TENM2: variants seen among roughly 807,000 people sequenced by gnomAD.
TENM2 encodes the protein teneurin-2.
In TENM2, 52 loss-of-function variants were observed where a neutral mutation model predicts 245.2. The ratio of observed to expected loss-of-function variants is 0.21; its 90% CI spans 0.17 to 0.27. The LOEUF (loss-of-function observed/expected upper bound fraction) is 0.27, where lower values mean the gene tolerates loss of function less well. TENM2 is among the 10% of genes least tolerant of loss of function. The pLI is 1.00. For synonymous variants in TENM2, 1,363 were observed against 1,438.9 expected (o/e 0.95, Z 1.19); for missense variants, 3,046 against 3,666.8 (o/e 0.83, Z 4.37).
At chr5:167,145,630 T>C in the TENM2 span, among the ~76,000 whole-genome samples, 5 of 152,222 alleles carry the variant, frequency 3.3e-5, no homozygotes, top group African/African-American at 9.6e-5. Flanking sequence ...ATATTATTAA[T>C]GTTATTATGA....
rs554626483 is a variant in TENM2 at position 167,749,619 on chromosome 5, AAG to A, written c.503-126364_503-126363del. On this transcript the variant is annotated intron_variant, in intron 2 of 28. Coordinates refer to ENST00000518659, the Ensembl canonical transcript of TENM2. ...TGCCACTGTACTCCAGCCTGGGTGA[AAG>A]AGCTAAACCCCATCTCAAAAAAAAA... 2.7e-3 allele frequency among the ~76,000 whole-genome samples: 375 copies of A among 139,694 alleles called. 1 individual carries two copies. The highest frequency in any genetic ancestry group is 9.3e-3 in the African/African-American group (359 of 38,682). The allele number at this position is 139,694 out of a possible 152,430, so 91.6% of individuals were successfully genotyped here. A position where few individuals can be genotyped will look rare whatever the true frequency, so the allele number is the denominator to read the frequency against.
At chr5:167,412,217 AG>A (rs1373821372) in intron 2 of TENM2, among the ~76,000 whole-genome samples, 1 of 152,126 alleles carries the variant, frequency 6.6e-6, no homozygotes, top group African/African-American at 2.4e-5. Context: ...TCAGAAAGAA[AG>A]AGGAACAGGA....
chr5:168,164,810 C>T (rs1239950341), intron 13 of TENM2, among the ~76,000 whole-genome samples: 1 of 152,144 alleles, frequency 6.6e-6, no homozygotes. Flanking sequence ...TAGGAAGATC[C>T]ATGAGTCCAA....
At chr5:168,176,248 A>C (rs895408691) in intron 13 of TENM2, among the ~76,000 whole-genome samples, 5 of 152,020 alleles carry the variant, frequency 3.3e-5, no homozygotes, top group African/African-American at 1.2e-4. Flanking sequence ...AGGGCCTCTC[A>C]TCTCCCGTAG....
intron 2 of TENM2, among the ~76,000 whole-genome samples, chr5:167,697,332 T>C (rs2150424452): frequency 6.6e-6 from 1 of 152,318 alleles, no homozygotes; most frequent in Admixed American, 6.5e-5. Flanking sequence ...GAACCTTTCA[T>C]TCTATATTTC....
At chr5:168,101,929 C>G (rs1189284265) in intron 9 of TENM2, among the ~76,000 whole-genome samples, 1 of 152,070 alleles carries the variant, frequency 6.6e-6, no homozygotes, top group Non-Finnish European at 1.5e-5. Flanking sequence ...GCCTTCTTTC[C>G]CAGTCTTTGA....
chr5:168,147,536 C>T (rs923768275), intron 12 of TENM2, among the ~76,000 whole-genome samples: 1 of 152,146 alleles, frequency 6.6e-6, no homozygotes, highest in African/African-American at 2.4e-5. Context: ...AAAATGATTC[C>T]AATTTTATCT....
chr5:167,741,993 G>A (rs1371252002), intron 2 of TENM2, among the ~76,000 whole-genome samples: 2 of 152,132 alleles, frequency 1.3e-5, no homozygotes, highest in Non-Finnish European at 2.9e-5. Context: ...TCCATCCCTT[G>A]TCATATCAAG....
intron 2 of TENM2, among the ~76,000 whole-genome samples, chr5:167,839,659 T>C (rs1397771805): frequency 6.6e-6 from 1 of 152,166 alleles, no homozygotes; most frequent in Non-Finnish European, 1.5e-5. Flanking sequence ...CTAATTTCTA[T>C]TGATATTGAA....
chr5:168,215,858 C>T (rs1165618062), intron 21 of TENM2, among the ~76,000 whole-genome samples: 1 of 152,114 alleles, frequency 6.6e-6, no homozygotes, highest in African/African-American at 2.4e-5. Context: ...CAAAGCCCAG[C>T]GAGGGGCCTC....
chr5:167,962,935 A>G (rs918526), intron 4 of TENM2, among the ~76,000 whole-genome samples: 49,948 of 151,966 alleles, frequency 0.33, 8,456 homozygotes, highest in South Asian at 0.41. Context: ...TTATTAGCAA[A>G]TATTTATTGA....
intron 2 of TENM2, among the ~76,000 whole-genome samples, chr5:167,449,545 T>C (rs1009860259): frequency 7.3e-5 from 11 of 151,712 alleles, no homozygotes; most frequent in Non-Finnish European, 1.5e-4. Flanking sequence ...GATAGATAGA[T>C]AGATAGATAG....
intron 2 of TENM2, among the ~76,000 whole-genome samples, chr5:167,485,104 G>T (rs546780634): frequency 6.6e-6 from 1 of 152,120 alleles, no homozygotes; most frequent in African/African-American, 2.4e-5. Context: ...TCATCCAGCC[G>T]GTGGCCCTAT....
intron 2 of TENM2, among the ~76,000 whole-genome samples, chr5:167,458,481 C>T (rs1358326838): frequency 3.6e-4 from 42 of 118,222 alleles, no homozygotes; most frequent in Admixed American, 1.0e-3. Flanking sequence ...AGCAAGACTC[C>T]GTCTCAAAAA....
the TENM2 span, among the ~76,000 whole-genome samples, chr5:167,222,856 A>G: frequency 6.6e-6 from 1 of 152,198 alleles, no homozygotes; most frequent in African/African-American, 2.4e-5. Context: ...ATGGGAAATG[A>G]AAAATGCAGA....
chr5:168,030,158 C>CTTTTTTTTTTTTTTTTTTTTT (rs540326142), intron 5 of TENM2, among the ~76,000 whole-genome samples: 3 of 65,292 alleles, frequency 4.6e-5, no homozygotes, highest in African/African-American at 7.2e-5. Flanking sequence ...GGTTCTGGCT[C>CTTTTTTTTTTTTTTTTTTTTT]TTTTTTTTTT....
At chr5:167,545,998 A>G (rs999375593) in intron 2 of TENM2, among the ~76,000 whole-genome samples, 2 of 152,242 alleles carry the variant, frequency 1.3e-5, no homozygotes, top group Admixed American at 1.3e-4. Context: ...AAAGTTATTG[A>G]CACTTATCAC....
chr5:167,970,416 T>C (rs1781690213), intron 4 of TENM2, among the ~76,000 whole-genome samples: 1 of 152,254 alleles, frequency 6.6e-6, no homozygotes, highest in South Asian at 2.1e-4. Context: ...ATTGTCTTAC[T>C]AACCAGTGCT....
intron 2 of TENM2, among the ~76,000 whole-genome samples, chr5:167,572,212 C>T (rs1367513403): frequency 2.0e-5 from 3 of 152,216 alleles, no homozygotes; most frequent in Non-Finnish European, 4.4e-5. Flanking sequence ...CAAGATTAAG[C>T]AATCCCTCTT....
Sources: allele counts gnomAD v4.1 joint callset (sites outside exome capture counted in the v4.1 genomes callset), GRCh38; gene constraint gnomAD v4.1.1; transcripts MANE v1.5; gene names NCBI Gene and HGNC (gene_info 2026-07-23, HGNC 2026-07-21).